ARV1: variants seen among roughly 807,000 people sequenced by gnomAD.
ARV1 encodes the protein ARV1 fatty acid homeostasis modulator, also known as protein ARV1.
Under a neutral mutation model 31.1 loss-of-function variants are expected in ARV1, and 26 were observed. The ratio of observed to expected loss-of-function variants is 0.84; its 90% CI spans 0.61 to 1.16. ARV1 has a LOEUF of 1.16. ARV1 is among the 50% of genes most tolerant of loss of function. The pLI, the probability that ARV1 is intolerant of heterozygous loss-of-function variation, is 0.00. For synonymous variants in ARV1, 117 were observed against 123.2 expected (o/e 0.95, Z 0.34); for missense variants, 281 against 324.9 (o/e 0.86, Z 1.04).
chr1:230,980,600 C>T (rs1249329095), intron 1 of ARV1, among the ~76,000 whole-genome samples: 3 of 152,148 alleles, frequency 2.0e-5, no homozygotes, highest in Non-Finnish European at 4.4e-5. Flanking sequence ...TCCCAAAGTG[C>T]TGGGGTTACA....
At position 230,990,114 on chromosome 1, in the gene ARV1, A is replaced by G. The variant is rs772391110; in HGVS notation, c.299A>G (p.His100Arg). Residue 100 changes from histidine to arginine, a missense_variant, in exon 3 of 6, where the codon CAT becomes CGT. Coordinates refer to ENST00000310256, the MANE Select transcript of ARV1 (RefSeq NM_022786.3). ...GGCAATGTCTTTGACTATCAGATCC[A>G]TGGAAAACTCTGCATATTTTGTTTG... is the stretch of plus-strand genomic sequence containing the variant. ...HILFNTQINI[H>R]GKLCIFCLLC... 7 of 1,604,090 alleles carry G rather than the reference A, an allele frequency of 4.4e-6. No homozygotes were observed. In the South Asian group the frequency reaches 5.6e-5, roughly 13 times the overall value.
At chr1:230,997,559 G>C (rs891414345) in intron 5 of ARV1, among the ~76,000 whole-genome samples, 2 of 151,994 alleles carry the variant, frequency 1.3e-5, no homozygotes, top group African/African-American at 2.4e-5. Flanking sequence ...TAGGATTGCA[G>C]ACTCTAAAAC....
intron 1 of ARV1, 39 bp from the exon 2 acceptor site, chr1:230,988,281 T>C: frequency 6.4e-7 from 1 of 1,556,348 alleles, no homozygotes; most frequent in South Asian, 1.2e-5. Flanking sequence ...TCAGAAAGTA[T>C]ACATTTGCTT....
chr1:230,999,662 C>T (rs1679468947), intron 5 of ARV1: 1 of 152,182 alleles, frequency 6.6e-6, no homozygotes, highest in South Asian at 2.1e-4. Context: ...CAGATACGGT[C>T]AGCTTTGCCT....
chr1:230,984,359 T>TGTGTGTGTGTGTGTGTGCGC (rs71179756), intron 1 of ARV1, among the ~76,000 whole-genome samples: 9 of 93,516 alleles, frequency 9.6e-5, no homozygotes, highest in South Asian at 3.4e-4. Flanking sequence ...TGTGTGTGTG[T>TGTGTGTGTGTGTGTGTGCGC]GTGCGTGTGT....
intron 5 of ARV1, among the ~76,000 whole-genome samples, chr1:230,999,279 A>G (rs544297289): frequency 2.0e-5 from 3 of 152,156 alleles, no homozygotes; most frequent in African/African-American, 7.2e-5. Context: ...TCCTTTTCTG[A>G]TAACGTTTCT....
chr1:230,996,027 T>A (rs769559000), intron 4 of ARV1, 43 bp downstream of exon 4: 1 of 1,532,148 alleles, frequency 6.5e-7, no homozygotes, highest in Non-Finnish European at 8.9e-7. Flanking sequence ...TTTCAACCCA[T>A]AAAAAGCTTA....
intron 3 of ARV1, among the ~76,000 whole-genome samples, chr1:230,993,226 A>G (rs111867923): frequency 0.013 from 1,930 of 152,054 alleles, 38 homozygotes; most frequent in African/African-American, 0.044. Flanking sequence ...GAGTAGCTGG[A>G]ACTACAGGTA....
chr1:230,987,305 C>A (rs10864647), intron 1 of ARV1, among the ~76,000 whole-genome samples: 50,972 of 152,054 alleles, frequency 0.34, 8,809 homozygotes, highest in Middle Eastern at 0.57. Flanking sequence ...TTTTCCATTT[C>A]ATATTTTCAG....
At chr1:230,986,167 C>G (rs757722903) in intron 1 of ARV1, among the ~76,000 whole-genome samples, 3 of 152,030 alleles carry the variant, frequency 2.0e-5, no homozygotes, top group Admixed American at 1.3e-4. Flanking sequence ...CGTGATCCAC[C>G]TGCCTCGGAC....
At chr1:230,990,669 C>T (rs1037829950) in intron 3 of ARV1, 4 of 355,052 alleles carry the variant, frequency 1.1e-5, no homozygotes, top group Admixed American at 2.9e-5. Flanking sequence ...ATCCTCCTGC[C>T]TCGGCCCCCC....
intron 1 of ARV1, among the ~76,000 whole-genome samples, chr1:230,985,600 T>G (rs1679043962): frequency 6.6e-6 from 1 of 152,218 alleles, no homozygotes; most frequent in Admixed American, 6.5e-5. Flanking sequence ...CTTCCAAGTA[T>G]TGTCCAGATC....
At chr1:230,982,442 C>T (rs1678935037) in intron 1 of ARV1, among the ~76,000 whole-genome samples, 1 of 152,216 alleles carries the variant, frequency 6.6e-6, no homozygotes, top group African/African-American at 2.4e-5. Context: ...AATCCCTTTG[C>T]TAAACAGCAG....
chr1:230,995,309 C>T (rs1458781224), intron 3 of ARV1, among the ~76,000 whole-genome samples: 1 of 152,126 alleles, frequency 6.6e-6, no homozygotes, highest in Non-Finnish European at 1.5e-5. Context: ...GGATAATAGG[C>T]ACTTAAATAG....
chr1:231,000,227 A>G lies in ARV1; in HGVS notation c.*94A>G, dbSNP rs1158193719. On this transcript the variant is annotated 3_prime_UTR_variant, in exon 6 of 6. Coordinates refer to ENST00000310256, the MANE Select transcript of ARV1 (RefSeq NM_022786.3). The stretch of plus-strand genomic sequence containing the variant: ...TAAACCAACCTCCTCATTTCTGTTG[A>G]GTAAAATGAAGCAAAGATTGGAAAC... The G allele has an allele frequency of 2.0e-5, 3 of 152,256 alleles. No homozygotes were observed. Among genetic ancestry groups the G allele is most frequent in the African/African-American group, 7.2e-5 (3 of 41,476 alleles). The allele number at this position is 152,256 out of a possible 1,614,324, so 9.4% of individuals were successfully genotyped here.
At chr1:230,998,460 T>C (rs1572344975) in intron 5 of ARV1, among the ~76,000 whole-genome samples, 1 of 152,204 alleles carries the variant, frequency 6.6e-6, no homozygotes, top group African/African-American at 2.4e-5. Flanking sequence ...TCATTGATCC[T>C]CTCTCCTGTA....
At chr1:230,979,395 C>A in intron 1 of ARV1, 116 bp downstream of exon 1, 1 of 1,201,416 alleles carries the variant, frequency 8.3e-7, no homozygotes, top group Non-Finnish European at 1.2e-6. Context: ...CATTCCCGCC[C>A]GGGATCTTTG....
rs147751010 is a variant in ARV1, at chr1:230,981,076, G to T, written c.174+1797G>T. ...TGCTGTGTGCGCTTCCCAGGATTCA[G>T]TGCTCTTCTTATTGTCTTCTTACTT... On this transcript the variant is annotated intron_variant, in intron 1 of 5. Coordinates refer to ENST00000310256, the MANE Select transcript of ARV1 (RefSeq NM_022786.3). Among the ~76,000 whole-genome samples the T allele has an allele frequency of 7.2e-5, 11 of 152,252 alleles. No individual in the cohort carries two copies. The East Asian group carries it at 2.1e-3, about 29-fold the overall frequency.
Position 230,984,144 on chromosome 1 carries a change from G to A in ARV1, c.175-4176G>A, listed in dbSNP as rs371432357. 5.3e-5 allele frequency among the ~76,000 whole-genome samples: 8 copies of A among 152,284 alleles called. 1 individual carries two copies. The highest frequency in any genetic ancestry group is 3.3e-4 in the Admixed American group (5 of 15,298). On this transcript the variant is annotated intron_variant, in intron 1 of 5. Transcript: ENST00000310256. ...ACGCGCCTGTAGCCCCAACTACTCA[G>A]GAGGTTGAGGTGGGAGGATCACTTG...
Sources: gnomAD v4.1 joint callset for allele counts (sites outside exome capture counted in the v4.1 genomes callset) on GRCh38, gnomAD v4.1.1 for gene constraint, MANE v1.5 for transcripts, NCBI Gene and HGNC (gene_info 2026-07-23, HGNC 2026-07-21) for gene names.